PLA2G6: variants seen among roughly 807,000 people sequenced by gnomAD.
The protein encoded by PLA2G6 is phospholipase A2 group VI, also known as 85/88 kDa calcium-independent phospholipase A2.
In PLA2G6, 62 loss-of-function variants were observed where a neutral mutation model predicts 83.8. The observed-to-expected ratio is 0.74, with a 90% CI of 0.60 to 0.91. PLA2G6 has a LOEUF of 0.91. Among genes scored for constraint, PLA2G6 ranks in the 40% least tolerant of loss-of-function variants. The pLI, the probability that PLA2G6 is intolerant of heterozygous loss-of-function variation, is 0.00. For missense variants in PLA2G6, 944 were observed against 1,102.0 expected (o/e 0.86, Z 2.03); for synonymous variants, 417 against 449.8 (o/e 0.93, Z 0.92).
At chr22:38,169,089 TCTCTCCCACCC>T in intron 2 of PLA2G6, 118 bp downstream of exon 2, 1 of 762,918 alleles carries the variant, frequency 1.3e-6, no homozygotes, top group Non-Finnish European at 2.3e-6. Context: ...CAGTCTCCCC[TCTCTCCCACCC>T]CTCTCCAGAC....
chr22:38,121,032 G>C (rs2087500373), intron 11 of PLA2G6, 123 bp from the exon 12 acceptor site: 2 of 1,096,780 alleles, frequency 1.8e-6, no homozygotes, highest in Admixed American at 4.0e-5. Flanking sequence ...CGAGGCCTAA[G>C]CAAACCCAAA....
In PLA2G6 at chr22:38,128,354, GA is replaced by G. The variant is rs1282370486; in HGVS notation, c.1262del (p.Val421AlafsTer26). On this transcript the variant is annotated frameshift_variant, in exon 9 of 17. Transcript: ENST00000332509. LOFTEE classifies it high-confidence loss of function. This position sits in a 1 kb window ranked among gnomAD's most constrained non-coding sequence, Gnocchi z 4.4. ...GCGCTGCAGAGCCCTGCTCCGCGGG[GA>G]CCCCGTGGATGGGTGGGAAGCAGTA... ...AEYCFPPIHG[V>X]PAEQGSAAPH... 6 of 1,613,734 alleles carry G rather than the reference GA, an allele frequency of 3.7e-6. No individual in the cohort carries two copies. In the African/African-American group the frequency reaches 8.0e-5, roughly 22 times the overall value.
At chr22:38,158,602 T>C (rs1401463368) in intron 2 of PLA2G6, among the ~76,000 whole-genome samples, 1 of 152,284 alleles carries the variant, frequency 6.6e-6, no homozygotes, top group Non-Finnish European at 1.5e-5. Context: ...TCTAGCTTAA[T>C]TGCACTGTAG....
chr22:38,132,729 G>T lies in PLA2G6; in HGVS notation c.1077+102C>A. 1 of 1,052,708 alleles carries T rather than the reference G, an allele frequency of 9.5e-7. No homozygotes were observed. Among genetic ancestry groups the T allele is most frequent in the Non-Finnish European group, 1.4e-6 (1 of 720,770 alleles). The allele number at this position is 1,052,708 out of a possible 1,614,324, so 65.2% of individuals were successfully genotyped here. On this transcript the variant is annotated intron_variant, in intron 7 of 16. Transcript: ENST00000332509. The surrounding 1 kb of genome is among the most constrained non-coding windows in gnomAD (Gnocchi z 5.0). ...GGTGGGAAGATGATTTGGAGCAGCT[G>T]ACGATAGGAGGGAGACAGTGGGGAG...
intron 9 of PLA2G6, chr22:38,127,549 G>A (rs1037556816): frequency 3.5e-6 from 3 of 846,796 alleles, no homozygotes; most frequent in Non-Finnish European, 5.2e-6. Context: ...CCACAGTCAC[G>A]GTGCCTCTCC....
intron 2 of PLA2G6, chr22:38,147,934 A>G (rs73884608): frequency 0.019 from 2,937 of 156,840 alleles, 85 homozygotes; most frequent in African/African-American, 0.067. Context: ...ATAAACTATA[A>G]CGTAATCAGT....
intron 2 of PLA2G6, chr22:38,148,524 T>C (rs1219699470): frequency 9.8e-6 from 7 of 717,042 alleles, no homozygotes; most frequent in Non-Finnish European, 1.8e-5. Context: ...AACCCAGGAA[T>C]TGCAGTGTTC....
chr22:38,129,643 C>T, intron 7 of PLA2G6, 81 bp from the exon 8 acceptor site: 1 of 1,001,762 alleles, frequency 1.0e-6, no homozygotes, highest in Non-Finnish European at 1.6e-6. Flanking sequence ...CCAGCCCCAA[C>T]CTGTCAACTC....
intron 12 of PLA2G6, among the ~76,000 whole-genome samples, chr22:38,116,634 C>T (rs1006954561): frequency 2.6e-5 from 4 of 152,008 alleles, no homozygotes; most frequent in African/African-American, 9.7e-5. Flanking sequence ...GCAGGTGGAT[C>T]ACCTGAGGTC....
rs749234073 is a variant in PLA2G6, at chr22:38,123,403, A to AGGTGGGGTGTCCTAT, written c.1428-146_1428-145insATAGGACACCCCACC. The stretch of plus-strand genomic sequence containing the variant: ...GAGGAACTTCTGTCCTATGCAGGAC[A>AGGTGGGGTGTCCTAT]GCGAGGGTGGGGGTGAGGGCAGTAA... On this transcript the variant is annotated intron_variant, in intron 10 of 16. Transcript: ENST00000332509. The surrounding 1 kb of genome is among the most constrained non-coding windows in gnomAD (Gnocchi z 4.1). 53 of 815,672 alleles carry AGGTGGGGTGTCCTAT rather than the reference A, an allele frequency of 6.5e-5. No individual in the cohort carries two copies. Among genetic ancestry groups the AGGTGGGGTGTCCTAT allele is most frequent in the Admixed American group, 3.8e-4 (19 of 49,870 alleles). 50.5% of individuals were successfully genotyped at this position (815,672 alleles called of 1,614,324 possible).
In PLA2G6 at chr22:38,115,692, G is replaced by T. The variant is rs1411427293; in HGVS notation, c.1880-11C>A. ...GCCACACCAGCTGGTCTAGGGGCGGGGAAGGAGGGCGGCCCAGTGGCACAA... is the reference window on the plus strand; with the variant it reads ...GCCACACCAGCTGGTCTAGGGGCGGTGAAGGAGGGCGGCCCAGTGGCACAA... On this transcript the variant is annotated splice_polypyrimidine_tract_variant and intron_variant, in intron 13 of 16. Coordinates refer to ENST00000332509, the MANE Select transcript of PLA2G6 (RefSeq NM_003560.4). 6.3e-7 allele frequency: 1 copy of T among 1,594,774 alleles called. No homozygotes were observed. Among genetic ancestry groups the T allele is most frequent in the Non-Finnish European group, 8.5e-7 (1 of 1,171,658 alleles).
intron 12 of PLA2G6, 38 bp from the exon 13 acceptor site, chr22:38,116,249 C>T (rs750089741): frequency 1.7e-5 from 28 of 1,611,702 alleles, no homozygotes; most frequent in African/African-American, 5.3e-5. Flanking sequence ...CTGAGCCACC[C>T]GCCCATCCAC....
chr22:38,115,522 C>T lies in PLA2G6; in HGVS notation c.2034+5G>A. The T allele has an allele frequency of 6.2e-7, 1 of 1,612,730 alleles. No individual in the cohort carries two copies. The highest frequency in any genetic ancestry group is 8.5e-7 in the Non-Finnish European group (1 of 1,179,460). ...GGTCCAGGCCCTCTGGCCTACGGCACTCACCTTGCGGATCAGGTCCTGATT... is the reference window on the plus strand; with the variant it reads ...GGTCCAGGCCCTCTGGCCTACGGCATTCACCTTGCGGATCAGGTCCTGATT... On this transcript the variant is annotated splice_donor_5th_base_variant and intron_variant, in intron 14 of 16. Transcript: ENST00000332509.
intron 5 of PLA2G6, chr22:38,136,205 T>C (rs1211785369): frequency 1.3e-5 from 2 of 152,286 alleles, no homozygotes; most frequent in East Asian, 3.9e-4. Flanking sequence ...TTACAGTTTC[T>C]GTTTGAGGTG....
At chr22:38,157,351 C>T (rs2089824792) in intron 2 of PLA2G6, among the ~76,000 whole-genome samples, 1 of 152,054 alleles carries the variant, frequency 6.6e-6, no homozygotes, top group Non-Finnish European at 1.5e-5. Flanking sequence ...AAATTGAAAA[C>T]CCTAGAAGAA....
chr22:38,141,814 G>A (rs1308339770), intron 4 of PLA2G6: 1 of 151,952 alleles, frequency 6.6e-6, no homozygotes, highest in Non-Finnish European at 1.5e-5. Context: ...CACCATGCTG[G>A]GTGCGCAGAG....
Position 38,132,162 on chromosome 22 carries a change from T to C in PLA2G6, c.1077+669A>G. 4.4e-6 allele frequency: 2 copies of C among 454,444 alleles called. No homozygotes were observed. The highest frequency in any genetic ancestry group is 8.8e-6 in the Non-Finnish European group (2 of 226,208). 28.2% of individuals were successfully genotyped at this position (454,444 alleles called of 1,614,324 possible). A position where few individuals can be genotyped will look rare whatever the true frequency, so the allele number is the denominator to read the frequency against. ...CACATATGTCTGTAACACAGTAACGTCCTCCTCTGCTAGGTTTAATATGTT... is the reference window on the plus strand; with the variant it reads ...CACATATGTCTGTAACACAGTAACGCCCTCCTCTGCTAGGTTTAATATGTT... On this transcript the variant is annotated intron_variant, in intron 7 of 16. Coordinates refer to ENST00000332509, the MANE Select transcript of PLA2G6 (RefSeq NM_003560.4). This position sits in a 1 kb window ranked among gnomAD's most constrained non-coding sequence, Gnocchi z 5.0.
At chr22:38,140,406 C>G (rs900425279) in intron 4 of PLA2G6, 37 of 485,856 alleles carry the variant, frequency 7.6e-5, no homozygotes, top group Admixed American at 3.2e-5. Flanking sequence ...TACTCAGGAA[C>G]CTGAGGAAAG....
intron 10 of PLA2G6, 53 bp downstream of exon 10, chr22:38,126,318 G>A (rs557626802): frequency 5.8e-6 from 8 of 1,371,820 alleles, no homozygotes; most frequent in African/African-American, 4.3e-5. Flanking sequence ...GGTGGGTGAG[G>A]GGCAGGAAAG....
Sources: allele counts gnomAD v4.1 joint callset (sites outside exome capture counted in the v4.1 genomes callset), GRCh38; gene constraint gnomAD v4.1.1; non-coding constraint Gnocchi (gnomAD v3.1); transcripts MANE v1.5; gene names NCBI Gene and HGNC (gene_info 2026-07-23, HGNC 2026-07-21).